CAPZA1: variants seen among roughly 807,000 people sequenced by gnomAD.
CAPZA1 encodes the protein capping actin protein of muscle Z-line subunit alpha 1, also known as F-actin-capping protein subunit alpha-1.
CAPZA1 carries 10 observed loss-of-function variants against 40.8 expected under a neutral mutation model. The observed-to-expected ratio is 0.25, with a 90% CI of 0.15 to 0.42. The LOEUF (loss-of-function observed/expected upper bound fraction) is 0.42, where lower values mean the gene tolerates loss of function less well. CAPZA1 is among the 10% of genes least tolerant of loss of function. The probability of loss-of-function intolerance (pLI) is 1.00; values close to 1 mark genes in which losing one functional copy is unlikely to be tolerated. For missense variants in CAPZA1, 277 were observed against 353.8 expected, an observed-to-expected ratio of 0.78 and a Z score of 1.74; for synonymous variants, 98 against 115.0, an observed-to-expected ratio of 0.85 and a Z score of 0.95.
At chr1:112,621,290 T>A (rs1031625688) in intron 1 of CAPZA1, among the ~76,000 whole-genome samples, 9 of 7,798 alleles carry the variant, frequency 1.2e-3, no homozygotes, top group Non-Finnish European at 1.5e-3. Context: ...ACTAAACAAT[T>A]TTTTTTTTTT....
At position 112,659,683 on chromosome 1, in the gene CAPZA1, G is replaced by C. The variant is rs144914890; in HGVS notation, c.507-18G>C. 1,886 of 1,581,186 alleles carry C rather than the reference G, an allele frequency of 1.2e-3. 27 individuals are homozygous for C. The East Asian group carries it at 0.024, about 20-fold the overall frequency. On this transcript the variant is annotated intron_variant, in intron 6 of 9. Transcript: ENST00000263168. ...TGCTTATTGCTAATTCTGCAATGTT[G>C]TGTGTGTGTTTTAATAGGAATGGTC...
rs1244380355 is a variant in CAPZA1, at chr1:112,671,605, TTTG to T, written c.*1476_*1478del. On this transcript the variant is annotated 3_prime_UTR_variant, in exon 10 of 10. Coordinates refer to ENST00000263168, the MANE Select transcript of CAPZA1 (RefSeq NM_006135.3). ...GGTAGTCTAATAGAAATATACCTGT[TTTG>T]TTCTAAAATTGTCTGAGTCTCTCCT... The T allele has an allele frequency of 6.6e-6, 1 of 152,636 alleles. No individual in the cohort carries two copies. The highest frequency in any genetic ancestry group is 1.5e-5 in the Non-Finnish European group (1 of 68,042). 9.5% of individuals were successfully genotyped at this position (152,636 alleles called of 1,614,324 possible).
intron 1 of CAPZA1, among the ~76,000 whole-genome samples, chr1:112,631,349 G>A (rs780433781): frequency 4.6e-5 from 7 of 152,136 alleles, no homozygotes; most frequent in Non-Finnish European, 8.8e-5. Flanking sequence ...AGAAAATTAA[G>A]GATCTGCTGT....
At chr1:112,630,447 G>A (rs1481205302) in intron 1 of CAPZA1, among the ~76,000 whole-genome samples, 1 of 152,008 alleles carries the variant, frequency 6.6e-6, no homozygotes, top group Non-Finnish European at 1.5e-5. Context: ...AGGTTCAAGC[G>A]ATTCTCCTGT....
intron 6 of CAPZA1, chr1:112,659,405 T>G (rs1452086523): frequency 1.3e-5 from 7 of 523,132 alleles, no homozygotes; most frequent in Non-Finnish European, 1.7e-5. Context: ...ATTCATCTGA[T>G]TTTGGAAGAG....
intron 1 of CAPZA1, among the ~76,000 whole-genome samples, chr1:112,645,965 TA>T (rs34028979): frequency 0.8 from 118,839 of 148,546 alleles, 47,677 homozygotes; most frequent in East Asian, 0.91. Flanking sequence ...CCCTGTCTCT[TA>T]AAAAAAAAAA....
chr1:112,648,347 CTTTTTTTTTTT>C lies in CAPZA1; in HGVS notation c.104-1059_104-1049del, dbSNP rs35670246. Among the ~76,000 whole-genome samples the C allele has an allele frequency of 9.1e-5, 9 of 99,388 alleles. No homozygotes were observed. The East Asian group carries it at 1.8e-3, about 20-fold the overall frequency. 65.2% of individuals were successfully genotyped at this position (99,388 alleles called of 152,430 possible). On this transcript the variant is annotated intron_variant, in intron 2 of 9. Coordinates refer to ENST00000263168, the MANE Select transcript of CAPZA1 (RefSeq NM_006135.3). ...TAATAAATTTTCCTGTTGAATTTTT[CTTTTTTTTTTT>C]TTTTTTTTTTTGACGGAGTCTTGCT...
At chr1:112,666,128 A>G (rs564300060) in intron 7 of CAPZA1, among the ~76,000 whole-genome samples, 38 of 152,252 alleles carry the variant, frequency 2.5e-4, no homozygotes, top group African/African-American at 9.1e-4. Context: ...ATGGTTTATA[A>G]GGTGCTTTGT....
intron 1 of CAPZA1, among the ~76,000 whole-genome samples, chr1:112,637,153 T>G (rs762171673): frequency 1.3e-5 from 2 of 152,244 alleles, no homozygotes; most frequent in Non-Finnish European, 2.9e-5. Context: ...GCATGCAATC[T>G]TAGACAAGGC....
chr1:112,635,748 A>G (rs1671002337), intron 1 of CAPZA1, among the ~76,000 whole-genome samples: 1 of 152,000 alleles, frequency 6.6e-6, no homozygotes, highest in Non-Finnish European at 1.5e-5. Context: ...AAAGCTAGTG[A>G]TGGCTGGGCT....
chr1:112,660,030 T>G (rs1353932488), intron 7 of CAPZA1, among the ~76,000 whole-genome samples: 2 of 151,876 alleles, frequency 1.3e-5, no homozygotes, highest in Non-Finnish European at 2.9e-5. Context: ...AAGATATAAC[T>G]AGGAATTATC....
intron 1 of CAPZA1, among the ~76,000 whole-genome samples, chr1:112,635,359 C>G (rs1670994184): frequency 6.6e-6 from 1 of 152,058 alleles, no homozygotes; most frequent in African/African-American, 2.4e-5. Flanking sequence ...GACATGCTGG[C>G]AGAGATTTGG....
intron 1 of CAPZA1, among the ~76,000 whole-genome samples, chr1:112,637,806 CAAAA>C (rs1218985194): frequency 6.6e-6 from 1 of 151,598 alleles, no homozygotes; most frequent in African/African-American, 2.4e-5. Context: ...TGGTTGAAAA[CAAAA>C]AAAGAATAAT....
intron 7 of CAPZA1, among the ~76,000 whole-genome samples, chr1:112,663,619 A>G (rs1671663037): frequency 6.6e-6 from 1 of 151,806 alleles, no homozygotes; most frequent in African/African-American, 2.4e-5. Flanking sequence ...CTCCTGTCTC[A>G]GCCTCCCAAG....
Position 112,624,007 on chromosome 1 carries a change from AAAAAAAAAAAAAAG to A in CAPZA1, c.39+4131_39+4144del. Among the ~76,000 whole-genome samples, 3 of 146,032 alleles carry A rather than the reference AAAAAAAAAAAAAAG, an allele frequency of 2.1e-5. No individual in the cohort carries two copies. In the South Asian group the frequency reaches 6.4e-4, roughly 31 times the overall value. ...GGTGACAGAGCAAGACTCCATCTCA[AAAAAAAAAAAAAAG>A]AAAAAAGAAAAGAAAAAGAAATCCT... On this transcript the variant is annotated intron_variant, in intron 1 of 9. Coordinates refer to ENST00000263168, the MANE Select transcript of CAPZA1 (RefSeq NM_006135.3).
intron 7 of CAPZA1, among the ~76,000 whole-genome samples, chr1:112,661,513 T>A (rs971193635): frequency 6.6e-6 from 1 of 152,338 alleles, no homozygotes; most frequent in African/African-American, 2.4e-5. Context: ...TTTTCTCTAA[T>A]CTTTGTCTTG....
intron 5 of CAPZA1, among the ~76,000 whole-genome samples, chr1:112,656,450 T>TG: frequency 7.9e-6 from 1 of 126,678 alleles, no homozygotes; most frequent in Non-Finnish European, 1.7e-5. Context: ...ATTTTTTTTT[T>TG]TTTTTTTTTT....
intron 1 of CAPZA1, among the ~76,000 whole-genome samples, chr1:112,641,247 GA>G (rs200438877): frequency 0.031 from 4,589 of 149,534 alleles, 246 homozygotes; most frequent in African/African-American, 0.1. Flanking sequence ...ATAAATAATT[GA>G]AAAAAAAAAT....
chr1:112,664,281 G>T (rs1324170115), intron 7 of CAPZA1, among the ~76,000 whole-genome samples: 2 of 151,702 alleles, frequency 1.3e-5, no homozygotes, highest in Non-Finnish European at 1.5e-5. Flanking sequence ...AACAAGGATA[G>T]GTAGGGGGTT....
Sources: gnomAD v4.1 joint callset for allele counts (sites outside exome capture counted in the v4.1 genomes callset) on GRCh38, gnomAD v4.1.1 for gene constraint, MANE v1.5 for transcripts, NCBI Gene and HGNC (gene_info 2026-07-23, HGNC 2026-07-21) for gene names.